The following CERKL variants were observed in gnomAD, a reference collection of about 807,000 sequenced individuals.
CERKL encodes ceramide kinase-like protein.
CERKL carries 61 observed loss-of-function variants against 63.4 expected under a neutral mutation model. That is an observed-to-expected ratio of 0.96 (90% CI 0.78 to 1.19). CERKL has a LOEUF of 1.19. Ranked by LOEUF, CERKL falls within the 50% of genes most tolerant of loss-of-function variation. The pLI is 0.00. For synonymous variants in CERKL, 250 were observed against 230.5 expected, an observed-to-expected ratio of 1.08 and a Z score of -0.77; for missense variants, 675 against 655.5, an observed-to-expected ratio of 1.03 and a Z score of -0.33.
At chr2:181,566,495 C>T (rs930788069) in intron 3 of CERKL, among the ~76,000 whole-genome samples, 3 of 152,144 alleles carry the variant, frequency 2.0e-5, no homozygotes, top group Non-Finnish European at 4.4e-5. Context: ...TGGCATTGAA[C>T]AGTCAATCTT....
intron 2 of CERKL, among the ~76,000 whole-genome samples, chr2:181,580,285 T>G (rs569400879): frequency 2.6e-5 from 4 of 152,006 alleles, no homozygotes; most frequent in South Asian, 2.1e-4. Flanking sequence ...TTATCAGCTT[T>G]TCGTTGCTGC....
At chr2:181,542,063 G>A (rs1687531690) in intron 11 of CERKL, among the ~76,000 whole-genome samples, 1 of 152,160 alleles carries the variant, frequency 6.6e-6, no homozygotes, top group African/African-American at 2.4e-5. Context: ...CTGAGAAGAT[G>A]AGAGGGCTGC....
At chr2:181,630,793 G>A (rs1419459413) in intron 1 of CERKL, among the ~76,000 whole-genome samples, 6 of 152,080 alleles carry the variant, frequency 3.9e-5, no homozygotes, top group Admixed American at 3.9e-4. Context: ...ATCCTGCCTT[G>A]ACTTATCTTC....
intron 2 of CERKL, among the ~76,000 whole-genome samples, chr2:181,584,425 T>C (rs896148571): frequency 2.0e-5 from 3 of 151,852 alleles, no homozygotes; most frequent in African/African-American, 7.3e-5. Flanking sequence ...GGTGGGAGGA[T>C]CACTTGATAT....
intron 1 of CERKL, among the ~76,000 whole-genome samples, chr2:181,628,653 G>C (rs921978524): frequency 6.6e-6 from 1 of 152,118 alleles, no homozygotes; most frequent in African/African-American, 2.4e-5. Context: ...TGCTCTTCAA[G>C]GGGATACATG....
chr2:181,537,550 G>GAGCAGTGAATCAAGGCAGACTTATGAA lies in CERKL; in HGVS notation c.*607_*633dup, dbSNP rs1489152226. 4.5e-6 allele frequency: 2 copies of GAGCAGTGAATCAAGGCAGACTTATGAA among 442,098 alleles called. No homozygotes were observed. Among genetic ancestry groups the GAGCAGTGAATCAAGGCAGACTTATGAA allele is most frequent in the Admixed American group, 2.4e-5 (1 of 40,998 alleles). 27.4% of individuals were successfully genotyped at this position (442,098 alleles called of 1,614,324 possible). On this transcript the variant is annotated 3_prime_UTR_variant, in exon 13 of 13. Transcript: ENST00000410087. ...TGAAATTTAACTGCTCTGGATTAGG[G>GAGCAGTGAATCAAGGCAGACTTATGAA]AGCAGTGAATCAAGGCAGACTTATG... is the stretch of plus-strand genomic sequence containing the variant.
chr2:181,543,998 AAAG>A (rs1164689321), intron 11 of CERKL, among the ~76,000 whole-genome samples: 9 of 150,098 alleles, frequency 6.0e-5, no homozygotes, highest in South Asian at 2.1e-4. Flanking sequence ...AAAAAAAAAA[AAAG>A]AAAGAAAAAG....
At chr2:181,636,732 C>A (rs938197071) in intron 1 of CERKL, among the ~76,000 whole-genome samples, 13 of 152,084 alleles carry the variant, frequency 8.5e-5, no homozygotes, top group Non-Finnish European at 1.9e-4. Flanking sequence ...TTGCTAACTC[C>A]AAATCATACT....
At chr2:181,648,579 A>C (rs1450826748) in intron 1 of CERKL, among the ~76,000 whole-genome samples, 1 of 152,236 alleles carries the variant, frequency 6.6e-6, no homozygotes, top group Non-Finnish European at 1.5e-5. Flanking sequence ...AATGATAACT[A>C]TCATGAACAC....
chr2:181,654,949 A>G (rs981867183), intron 1 of CERKL, among the ~76,000 whole-genome samples: 17 of 152,068 alleles, frequency 1.1e-4, no homozygotes, highest in Non-Finnish European at 2.2e-4. Context: ...GCCTGGCTAT[A>G]TTTTACCTAA....
intron 1 of CERKL, among the ~76,000 whole-genome samples, chr2:181,614,017 C>T: frequency 6.6e-6 from 1 of 152,154 alleles, no homozygotes; most frequent in East Asian, 1.9e-4. Context: ...AGTCTTGAGC[C>T]ATCTAAATAT....
intron 1 of CERKL, among the ~76,000 whole-genome samples, chr2:181,656,321 T>C (rs1244451678): frequency 6.6e-6 from 1 of 152,248 alleles, no homozygotes. Context: ...TTCAGAACTC[T>C]TGTGTAGGCA....
At chr2:181,590,027 C>A (rs1684926138) in intron 2 of CERKL, among the ~76,000 whole-genome samples, 1 of 151,904 alleles carries the variant, frequency 6.6e-6, no homozygotes, top group African/African-American at 2.4e-5. Flanking sequence ...CCCATGTTGC[C>A]CAGGCTGGTC....
In CERKL at chr2:181,536,846, A is replaced by G. The variant is rs1402068552; in HGVS notation, c.*1338T>C. On this transcript the variant is annotated 3_prime_UTR_variant, in exon 13 of 13. Coordinates refer to ENST00000410087, the MANE Select transcript of CERKL (RefSeq NM_201548.5). ...TCATTTTATCTGACTCTGCCTTCAT[A>G]AGAGAGCTGTGGCCGAATTTTGAAC... 2 of 420,798 alleles carry G rather than the reference A, an allele frequency of 4.8e-6. No individual in the cohort carries two copies. The highest frequency in any genetic ancestry group is 9.5e-6 in the Non-Finnish European group (2 of 210,400). The allele number at this position is 420,798 out of a possible 1,614,324, so 26.1% of individuals were successfully genotyped here. A position where few individuals can be genotyped will look rare whatever the true frequency, so the allele number is the denominator to read the frequency against.
At chr2:181,605,121 G>T (rs1685624642) in intron 1 of CERKL, among the ~76,000 whole-genome samples, 2 of 152,218 alleles carry the variant, frequency 1.3e-5, no homozygotes, top group South Asian at 4.1e-4. Context: ...ACACAGGACA[G>T]TGAAGCCGAA....
chr2:181,644,673 G>A (rs1687593383), intron 1 of CERKL, among the ~76,000 whole-genome samples: 1 of 152,102 alleles, frequency 6.6e-6, no homozygotes, highest in African/African-American at 2.4e-5. Context: ...AAGTTGAAAA[G>A]AACCTCAAGG....
intron 1 of CERKL, among the ~76,000 whole-genome samples, chr2:181,626,151 A>G (rs957955018): frequency 6.6e-6 from 1 of 152,206 alleles, no homozygotes; most frequent in Admixed American, 6.5e-5. Flanking sequence ...ATTACTTTAA[A>G]GAGTATAGTA....
chr2:181,548,094 C>A (rs888197504), intron 8 of CERKL: 1 of 592,796 alleles, frequency 1.7e-6, no homozygotes, highest in African/African-American at 1.9e-5. Context: ...AAGACTATAA[C>A]CCTTCTTTAA....
intron 1 of CERKL, among the ~76,000 whole-genome samples, chr2:181,606,262 G>T (rs1685678053): frequency 1.1e-5 from 1 of 92,372 alleles, no homozygotes; most frequent in African/African-American, 7.8e-5. Flanking sequence ...GGAAGACAGG[G>T]AGTGGGGGGT....
Sources: allele counts gnomAD v4.1 joint callset (sites outside exome capture counted in the v4.1 genomes callset), GRCh38; gene constraint gnomAD v4.1.1; transcripts MANE v1.5; gene names NCBI Gene and HGNC (gene_info 2026-07-23, HGNC 2026-07-21).